MGAT5B: variants seen among roughly 807,000 people sequenced by gnomAD.
MGAT5B encodes the protein alpha-1,6-mannosylglycoprotein 6-beta-N-acetylglucosaminyltransferase B, also known as N-acetylglucosaminyl-transferase Vb.
In MGAT5B, 54 loss-of-function variants were observed where a neutral mutation model predicts 95.1. The observed-to-expected ratio is 0.57, with a 90% CI of 0.46 to 0.71. The LOEUF is 0.71. Among genes scored for constraint, MGAT5B ranks in the 30% least tolerant of loss-of-function variants. MGAT5B has a pLI of 0.00. For missense variants in MGAT5B, 935 were observed against 1,088.6 expected (o/e 0.86, Z 1.99); for synonymous variants, 464 against 451.0 (o/e 1.03, Z -0.36).
At chr17:76,871,972 C>T (rs959605347) in intron 1 of MGAT5B, among the ~76,000 whole-genome samples, 2 of 152,130 alleles carry the variant, frequency 1.3e-5, no homozygotes, top group Non-Finnish European at 2.9e-5. Flanking sequence ...CCCTGCTGTC[C>T]CCCTGGGGTT....
chr17:76,878,789 A>G (rs1030969128), intron 2 of MGAT5B, among the ~76,000 whole-genome samples: 1 of 152,100 alleles, frequency 6.6e-6, no homozygotes, highest in African/African-American at 2.4e-5. Context: ...GCCAGTTTTT[A>G]TAGGAGCGTT....
intron 15 of MGAT5B, among the ~76,000 whole-genome samples, chr17:76,941,294 G>A (rs1029517052): frequency 1.2e-4 from 19 of 152,376 alleles, no homozygotes; most frequent in Middle Eastern, 6.8e-3. Flanking sequence ...GCAACGCTTC[G>A]AGTAGCAAGG....
chr17:76,882,434 A>G (rs1344888721), intron 3 of MGAT5B, 136 bp downstream of exon 3: 3 of 1,033,490 alleles, frequency 2.9e-6, no homozygotes, highest in Non-Finnish European at 3.9e-6. Flanking sequence ...CCCAGAGTGC[A>G]TTTCTACCAC....
intron 8 of MGAT5B, among the ~76,000 whole-genome samples, chr17:76,908,689 G>A (rs1968622666): frequency 6.6e-6 from 1 of 152,114 alleles, no homozygotes; most frequent in Admixed American, 6.5e-5. Context: ...TCAGGGTACT[G>A]GGGATCTATC....
intron 3 of MGAT5B, among the ~76,000 whole-genome samples, chr17:76,883,995 C>G (rs1967528425): frequency 6.6e-6 from 1 of 152,216 alleles, no homozygotes; most frequent in Admixed American, 6.5e-5. Context: ...CTCTAACTGG[C>G]CTTGCCGATT....
At position 76,940,678 on chromosome 17, in the gene MGAT5B, C is replaced by T. The variant is rs1969836271; in HGVS notation, c.1732-54C>T. ...AAGTGTATGGGGTACCTTTCTTTGT[C>T]CCTGTCCCACTGGCAGGCACGGGGG... On this transcript the variant is annotated intron_variant, in intron 14 of 17. Transcript: ENST00000569840. The surrounding 1 kb of genome is among the most constrained non-coding windows in gnomAD (Gnocchi z 4.3). 6.2e-7 allele frequency: 1 copy of T among 1,603,900 alleles called. No individual in the cohort carries two copies. Among genetic ancestry groups the T allele is most frequent in the East Asian group, 2.2e-5 (1 of 44,794 alleles).
At chr17:76,873,097 G>T (rs1967066379) in intron 2 of MGAT5B, 134 bp downstream of exon 2, 2 of 975,120 alleles carry the variant, frequency 2.1e-6, no homozygotes, top group Non-Finnish European at 3.0e-6. Context: ...GGGGGCCTGG[G>T]CTTGGGCCGT....
intron 8 of MGAT5B, among the ~76,000 whole-genome samples, chr17:76,908,900 G>C (rs80137266): frequency 3.1e-4 from 46 of 149,680 alleles, no homozygotes; most frequent in Non-Finnish European, 6.7e-4. Context: ...TCTGCCTCCC[G>C]GGTTCAAGCA....
chr17:76,947,242 C>A (rs945990185), intron 16 of MGAT5B, among the ~76,000 whole-genome samples: 1 of 152,168 alleles, frequency 6.6e-6, no homozygotes, highest in Non-Finnish European at 1.5e-5. Flanking sequence ...TTGGCCCCAC[C>A]AATATTAGGG....
chr17:76,904,183 C>A, intron 5 of MGAT5B, 69 bp from the exon 6 acceptor site: 1 of 1,475,276 alleles, frequency 6.8e-7, no homozygotes, highest in Non-Finnish European at 9.1e-7. Context: ...TGGGGGTGCA[C>A]GTGCGGGGGA....
At chr17:76,896,766 T>C (rs1361995439) in intron 3 of MGAT5B, among the ~76,000 whole-genome samples, 1 of 152,226 alleles carries the variant, frequency 6.6e-6, no homozygotes, top group Non-Finnish European at 1.5e-5. Context: ...GGAGAGTCAC[T>C]GACCCAGCGC....
At chr17:76,892,559 G>T (rs1027556693) in intron 3 of MGAT5B, among the ~76,000 whole-genome samples, 3 of 152,340 alleles carry the variant, frequency 2.0e-5, no homozygotes, top group Admixed American at 2.0e-4. Context: ...CCAGTGATTT[G>T]CTAGGAGGAC....
intron 2 of MGAT5B, among the ~76,000 whole-genome samples, chr17:76,878,710 A>G (rs965739190): frequency 6.6e-6 from 1 of 152,248 alleles, no homozygotes; most frequent in Non-Finnish European, 1.5e-5. Context: ...CCCGAGCTCA[A>G]CCAATCCATC....
intron 12 of MGAT5B, among the ~76,000 whole-genome samples, chr17:76,935,870 TTA>T (rs1371694998): frequency 6.4e-4 from 74 of 115,310 alleles, no homozygotes; most frequent in African/African-American, 2.2e-3. Flanking sequence ...ATTATATACA[TTA>T]TATATATTAT....
At chr17:76,874,655 C>T (rs1007109698) in intron 2 of MGAT5B, among the ~76,000 whole-genome samples, 5 of 151,832 alleles carry the variant, frequency 3.3e-5, no homozygotes, top group East Asian at 1.9e-4. Flanking sequence ...GGTTTTTGGC[C>T]GGGCTCTGGT....
chr17:76,897,705 CTTTCTTTCTTTCTTTCTT>C (rs1968128188), intron 3 of MGAT5B, among the ~76,000 whole-genome samples: 3 of 96,170 alleles, frequency 3.1e-5, no homozygotes, highest in African/African-American at 1.1e-4. Flanking sequence ...TTCTTTCTTT[CTTTCTTTCTTTCTTTCTT>C]TCTTTTTCTT....
intron 2 of MGAT5B, among the ~76,000 whole-genome samples, chr17:76,881,219 TG>T (rs1186664149): frequency 6.6e-6 from 1 of 152,170 alleles, no homozygotes; most frequent in Non-Finnish European, 1.5e-5. Context: ...AAGGAAGCCG[TG>T]GAGGACTGCA....
At chr17:76,922,864 G>C (rs1294373506) in intron 8 of MGAT5B, among the ~76,000 whole-genome samples, 1 of 152,174 alleles carries the variant, frequency 6.6e-6, no homozygotes, top group East Asian at 1.9e-4. Flanking sequence ...CTCACACTTA[G>C]CAGCAAAGGT....
intron 13 of MGAT5B, among the ~76,000 whole-genome samples, chr17:76,939,075 T>TGTGTGTGTGTG (rs1969781254): frequency 7.8e-6 from 1 of 128,822 alleles, no homozygotes; most frequent in Non-Finnish European, 1.7e-5. Flanking sequence ...TGTGTGTGTG[T>TGTGTGTGTGTG]TGGGGGCAGT....
Sources: allele counts gnomAD v4.1 joint callset (sites outside exome capture counted in the v4.1 genomes callset), GRCh38; gene constraint gnomAD v4.1.1; non-coding constraint Gnocchi (gnomAD v3.1); transcripts MANE v1.5; gene names NCBI Gene and HGNC (gene_info 2026-07-23, HGNC 2026-07-21).